SYT1: variants seen among roughly 807,000 people sequenced by gnomAD.
SYT1 encodes the protein synaptotagmin-1.
A neutral mutation model predicts 44.8 loss-of-function variants in SYT1; 8 were observed. The observed-to-expected ratio is 0.18, with a 90% CI of 0.10 to 0.32. The LOEUF (loss-of-function observed/expected upper bound fraction) is 0.32. Among genes scored for constraint, SYT1 ranks in the 10% least tolerant of loss-of-function variants. SYT1 has a pLI of 1.00. For missense variants in SYT1, 286 were observed against 509.3 expected, an observed-to-expected ratio of 0.56 and a Z score of 4.22; for synonymous variants, 154 against 188.8, an observed-to-expected ratio of 0.82 and a Z score of 1.51.
intron 4 of SYT1, among the ~76,000 whole-genome samples, chr12:79,279,536 T>C (rs965786726): frequency 6.6e-6 from 1 of 151,934 alleles, no homozygotes; most frequent in Non-Finnish European, 1.5e-5. Flanking sequence ...ATCAAACCCA[T>C]AGCCAACATC....
chr12:79,067,382 T>G, intron 3 of SYT1, among the ~76,000 whole-genome samples: 1 of 152,128 alleles, frequency 6.6e-6, no homozygotes, highest in East Asian at 1.9e-4. Context: ...AATTGGAATT[T>G]GAAGGTATGT....
intron 4 of SYT1, among the ~76,000 whole-genome samples, chr12:79,283,732 A>T (rs1879165977): frequency 6.6e-6 from 1 of 152,118 alleles, no homozygotes; most frequent in Non-Finnish European, 1.5e-5. Context: ...TTTACTTTTT[A>T]TGTAATCTTT....
At position 79,065,032 on chromosome 12, in the gene SYT1, A is replaced by T. The variant is rs143117947; in HGVS notation, c.-18+17670A>T. Reference sequence around the variant, plus strand: ...CTTTCCTTCTCATTTCTAGGGCTCTAAGGGTTTGCACGCTGCCACTCTACC... The same window carrying T: ...CTTTCCTTCTCATTTCTAGGGCTCTTAGGGTTTGCACGCTGCCACTCTACC... On this transcript the variant is annotated intron_variant, in intron 3 of 10. Transcript: ENST00000261205. Among the ~76,000 whole-genome samples, 1,226 of 152,176 alleles carry T rather than the reference A, an allele frequency of 8.1e-3. 56 individuals are homozygous for T. The highest frequency in any genetic ancestry group is 0.07 in the Admixed American group (1,064 of 15,272).
chr12:79,013,453 T>C (rs1871557031), intron 2 of SYT1, among the ~76,000 whole-genome samples: 1 of 152,202 alleles, frequency 6.6e-6, no homozygotes. Flanking sequence ...TTATAAACTG[T>C]AACTACAACT....
chr12:78,905,493 T>C (rs979430009), intron 1 of SYT1, among the ~76,000 whole-genome samples: 1 of 152,148 alleles, frequency 6.6e-6, no homozygotes, highest in Non-Finnish European at 1.5e-5. Flanking sequence ...CACTCACTAA[T>C]ATCAGCTTTA....
intron 3 of SYT1, among the ~76,000 whole-genome samples, chr12:79,091,626 GA>G (rs774912046): frequency 1.3e-5 from 2 of 151,820 alleles, no homozygotes; most frequent in African/African-American, 4.8e-5. Flanking sequence ...TTCCAAGTCA[GA>G]AAAAAATTGG....
intron 8 of SYT1, among the ~76,000 whole-genome samples, chr12:79,332,049 A>T (rs1450523051): frequency 6.6e-6 from 1 of 152,144 alleles, no homozygotes; most frequent in Admixed American, 6.5e-5. Flanking sequence ...ATATGCTGTT[A>T]AAAAAATATA....
intron 5 of SYT1, chr12:79,291,652 A>C (rs1337870550): frequency 2.6e-6 from 1 of 389,724 alleles, no homozygotes; most frequent in Non-Finnish European, 5.1e-6. Flanking sequence ...TGAATGTGAA[A>C]CTTGGCCTGG....
At chr12:79,112,531 T>C (rs1592758810) in intron 3 of SYT1, among the ~76,000 whole-genome samples, 1 of 152,154 alleles carries the variant, frequency 6.6e-6, no homozygotes, top group Middle Eastern at 3.4e-3. Context: ...TTTATAAAGA[T>C]TGACCTACCA....
intron 3 of SYT1, among the ~76,000 whole-genome samples, chr12:79,114,940 A>T (rs757358524): frequency 6.6e-6 from 1 of 152,234 alleles, no homozygotes; most frequent in Non-Finnish European, 1.5e-5. Context: ...AAACTGGAAT[A>T]TGTTAGTATA....
intron 2 of SYT1, among the ~76,000 whole-genome samples, chr12:79,027,468 A>G (rs574639688): frequency 3.2e-4 from 49 of 151,562 alleles, no homozygotes; most frequent in South Asian, 2.1e-3. Flanking sequence ...CAATGCATAT[A>G]TAAGGCATAT....
chr12:78,988,117 C>T (rs1324009195), intron 2 of SYT1, among the ~76,000 whole-genome samples: 1 of 151,960 alleles, frequency 6.6e-6, no homozygotes, highest in Non-Finnish European at 1.5e-5. Flanking sequence ...TATTAATTCA[C>T]TCACTGAACA....
intron 3 of SYT1, among the ~76,000 whole-genome samples, chr12:79,087,212 T>C (rs2137981189): frequency 6.6e-6 from 1 of 152,274 alleles, no homozygotes; most frequent in East Asian, 1.9e-4. Flanking sequence ...TAGTCATGGT[T>C]ATTCTGTGAC....
intron 3 of SYT1, among the ~76,000 whole-genome samples, chr12:79,128,532 T>C (rs1486573137): frequency 2.0e-5 from 3 of 152,242 alleles, no homozygotes; most frequent in African/African-American, 7.2e-5. Flanking sequence ...AAGTCTATGC[T>C]TTTCAGGCAT....
At chr12:79,436,664 AT>A (rs912422921) in intron 9 of SYT1, among the ~76,000 whole-genome samples, 2 of 152,192 alleles carry the variant, frequency 1.3e-5, no homozygotes, top group Non-Finnish European at 2.9e-5. Context: ...TGAAGTTAGC[AT>A]AATTTGAGAT....
intron 1 of SYT1, among the ~76,000 whole-genome samples, chr12:78,941,836 C>A (rs1173341539): frequency 1.3e-5 from 2 of 152,216 alleles, no homozygotes; most frequent in Non-Finnish European, 2.9e-5. Flanking sequence ...CTATTCATTT[C>A]ATTACACCAG....
intron 1 of SYT1, among the ~76,000 whole-genome samples, chr12:78,974,789 G>T (rs559951241): frequency 3.9e-5 from 6 of 152,114 alleles, no homozygotes; most frequent in African/African-American, 1.2e-4. Flanking sequence ...ATAGGTACAA[G>T]AATTTTTTTA....
intron 3 of SYT1, among the ~76,000 whole-genome samples, chr12:79,133,485 G>T (rs1251883733): frequency 2.6e-5 from 4 of 152,154 alleles, no homozygotes; most frequent in African/African-American, 9.7e-5. Flanking sequence ...ATTATACCTT[G>T]TATGCATGTA....
chr12:79,049,078 C>T (rs944009260), intron 3 of SYT1, among the ~76,000 whole-genome samples: 2 of 151,886 alleles, frequency 1.3e-5, no homozygotes, highest in African/African-American at 2.4e-5. Flanking sequence ...GTGATATCTA[C>T]TTCACTCCCT....
Sources: allele counts gnomAD v4.1 joint callset (sites outside exome capture counted in the v4.1 genomes callset), GRCh38; gene constraint gnomAD v4.1.1; transcripts MANE v1.5; gene names NCBI Gene and HGNC (gene_info 2026-07-23, HGNC 2026-07-21).